Variants in CD1C observed in about 807,000 individuals in gnomAD.
CD1C encodes the protein T-cell surface glycoprotein CD1c.
Under a neutral mutation model 39.4 loss-of-function variants are expected in CD1C, and 47 were observed. That is an observed-to-expected ratio of 1.19 (90% CI 0.94 to 1.52). CD1C has a LOEUF of 1.52. Ranked by LOEUF, CD1C falls within the 40% of genes most tolerant of loss-of-function variation. CD1C has a pLI of 0.00. For synonymous variants in CD1C, 165 were observed against 150.8 expected (o/e 1.09, Z -0.69); for missense variants, 417 against 395.2 (o/e 1.06, Z -0.47).
Position 158,292,065 on chromosome 1 carries a change from C to A in CD1C, c.329-19C>A. 1 of 1,592,784 alleles carries A rather than the reference C, an allele frequency of 6.3e-7. No homozygotes were observed. The highest frequency in any genetic ancestry group is 1.1e-5 in the South Asian group (1 of 87,178). On this transcript the variant is annotated intron_variant, in intron 2 of 5. Transcript: ENST00000368170. ...ACTTTTTTGTTTGAACTCTTTTTCTCATTCCTCCCTTCCTCCAGATCCCTT... is the reference window on the plus strand; with the variant it reads ...ACTTTTTTGTTTGAACTCTTTTTCTAATTCCTCCCTTCCTCCAGATCCCTT...
chr1:158,292,550 T>C, intron 3 of CD1C, 46 bp from the exon 4 acceptor site: 1 of 1,591,396 alleles, frequency 6.3e-7, no homozygotes, highest in Non-Finnish European at 8.6e-7. Context: ...TGGATGTAAG[T>C]TGTGTGTAAG....
intron 4 of CD1C, 33 bp downstream of exon 4, chr1:158,292,907 G>C (rs1444387906): frequency 6.2e-7 from 1 of 1,607,816 alleles, no homozygotes; most frequent in South Asian, 1.1e-5. Flanking sequence ...TAGGTAGGTG[G>C]TTCTTGAGCC....
rs768042167 is a variant in CD1C at position 158,292,602 on chromosome 1, C to T, written c.617C>T (p.Pro206Leu). 1.3e-5 allele frequency: 21 copies of T among 1,612,480 alleles called. No individual in the cohort carries two copies. Among genetic ancestry groups the T allele is most frequent in the Non-Finnish European group, 1.7e-5 (20 of 1,179,910 alleles). The part of the protein sequence containing the change: ...GKMYVHRQVR[P>L]EAWLSSRPSL... ...CTTTTTCTGCTCTCTGCAGTGAGGC[C>T]AGAAGCCTGGCTGTCCAGTCGCCCC... Residue 206 changes from proline to leucine, a missense_variant, in exon 4 of 6, where the codon CCA becomes CTA. Transcript: ENST00000368170.
rs772721870 is a variant in CD1C at position 158,293,457 on chromosome 1, C to G, written c.983C>G (p.Ser328Ter). 1 of 1,613,894 alleles carries G rather than the reference C, an allele frequency of 6.2e-7. No individual in the cohort carries two copies. The highest frequency in any genetic ancestry group is 8.5e-7 in the Non-Finnish European group (1 of 1,179,986). ...CTCCCATTCCTGTTCCTTCACAGCT[C>G]ATATCAGGACATCCTGTGAGACTCT... ...VLVLWFKKHCSYQDIL is the reference protein window; with the variant it reads ...VLVLWFKKHC Residue 328 changes from serine to a stop codon, truncating the protein, a stop_gained and splice_region_variant, in exon 6 of 6, where the codon TCA becomes TGA. Transcript: ENST00000368170. LOFTEE classifies it high-confidence loss of function.
Position 158,293,291 on chromosome 1 carries a change from TAAG to T in CD1C, c.973_975del (p.Lys325del), listed in dbSNP as rs1380453592. On this transcript the variant is annotated inframe_deletion, in exon 5 of 6. Transcript: ENST00000368170. Reference sequence around the variant, plus strand: ...TTCTAATAGTCCTTGTGTTATGGTTTAAGAAGCACTGGTGAGTTTTTTGTATTT... The same window carrying T: ...TTCTAATAGTCCTTGTGTTATGGTTTAAGCACTGGTGAGTTTTTTGTATTT... The T allele has an allele frequency of 6.2e-7, 1 of 1,613,626 alleles. No homozygotes were observed. The highest frequency in any genetic ancestry group is 1.7e-5 in the Admixed American group (1 of 59,962).
At position 158,291,295 on chromosome 1, in the gene CD1C, A is replaced by C. The variant is rs1323932631; in HGVS notation, c.223A>C (p.Asn75His). ...IIFLHNWSKG[N>H]FSNEELSDLE... is the part of the protein sequence containing the mutation. ...TTTCCTGCATAACTGGTCCAAGGGCAACTTCAGCAATGAAGAGTTGTCAGA... is the reference window on the plus strand; with the variant it reads ...TTTCCTGCATAACTGGTCCAAGGGCCACTTCAGCAATGAAGAGTTGTCAGA... Residue 75 changes from asparagine to histidine, a missense_variant, in exon 2 of 6, where the codon AAC becomes CAC. By Grantham distance (68) the Asn-to-His change is moderately conservative. Transcript: ENST00000368170. 6.2e-7 allele frequency: 1 copy of C among 1,614,024 alleles called. No individual in the cohort carries two copies. Among genetic ancestry groups the C allele is most frequent in the African/African-American group, 1.3e-5 (1 of 74,908 alleles).
Position 158,292,577 on chromosome 1 carries a change from C to G in CD1C, c.611-19C>G, listed in dbSNP as rs185843886. 5.0e-6 allele frequency: 8 copies of G among 1,607,578 alleles called. No individual in the cohort carries two copies. Among genetic ancestry groups the G allele is most frequent in the Admixed American group, 1.7e-5 (1 of 59,418 alleles). ...GTGTGTAAGTTTCTTCATCAGAACA[C>G]TTTTTCTGCTCTCTGCAGTGAGGCC... On this transcript the variant is annotated intron_variant, in intron 3 of 5. Transcript: ENST00000368170.
intron 1 of CD1C, 109 bp downstream of exon 1, chr1:158,290,234 C>A: frequency 1.0e-6 from 1 of 963,438 alleles, no homozygotes; most frequent in African/African-American, 1.6e-5. Flanking sequence ...TCTGAGCATA[C>A]CTGTCTCCAG....
rs1651151953 is a variant in CD1C, at chr1:158,294,082, C to A, written c.*606C>A. On this transcript the variant is annotated 3_prime_UTR_variant, in exon 6 of 6. Transcript: ENST00000368170. ...ATTTAAGGAAAAGTGCAGCCTTGTG[C>A]CTTGATACACTTATTTTCTAAACAC... Among the ~76,000 whole-genome samples the A allele has an allele frequency of 6.6e-6, 1 of 152,272 alleles. No homozygotes were observed. The highest frequency in any genetic ancestry group is 3.4e-3 in the Middle Eastern group (1 of 294).
At chr1:158,290,857 G>A (rs1018169882) in intron 1 of CD1C, among the ~76,000 whole-genome samples, 1 of 152,152 alleles carries the variant, frequency 6.6e-6, no homozygotes, top group Non-Finnish European at 1.5e-5. Context: ...TCAGCTGCAA[G>A]GTTACATGTA....
In CD1C at chr1:158,293,569, TA is replaced by T; in HGVS notation, c.*96del. 1.2e-6 allele frequency: 2 copies of T among 1,613,892 alleles called. No homozygotes were observed. Among genetic ancestry groups the T allele is most frequent in the Non-Finnish European group, 1.7e-6 (2 of 1,179,838 alleles). On this transcript the variant is annotated 3_prime_UTR_variant, in exon 6 of 6. Coordinates refer to ENST00000368170, the MANE Select transcript of CD1C (RefSeq NM_001765.3). ...GATGCCATCCCGTCGACTCTCCATT[TA>T]AATTGTTTCTCTTTCTGCATAATAA...
Position 158,291,293 on chromosome 1 carries a change from G to T in CD1C, c.221G>T (p.Gly74Val). Reference protein sequence around the residue: ...TIIFLHNWSKGNFSNEELSDL... With the variant: ...TIIFLHNWSKVNFSNEELSDL... ...ATTTTCCTGCATAACTGGTCCAAGGGCAACTTCAGCAATGAAGAGTTGTCA... is the reference window on the plus strand; with the variant it reads ...ATTTTCCTGCATAACTGGTCCAAGGTCAACTTCAGCAATGAAGAGTTGTCA... The change falls in exon 2 of 6, where the codon GGC becomes GTC. Residue 74 changes from glycine (G) to valine (V), a missense_variant. Gly to Val is a moderately radical substitution (Grantham distance 109). Coordinates refer to ENST00000368170, the MANE Select transcript of CD1C (RefSeq NM_001765.3). 6.2e-7 allele frequency: 1 copy of T among 1,614,096 alleles called. No individual in the cohort carries two copies. Among genetic ancestry groups the T allele is most frequent in the Non-Finnish European group, 8.5e-7 (1 of 1,180,024 alleles).
In CD1C at chr1:158,291,146, A is replaced by G. The variant is rs769347794; in HGVS notation, c.74A>G (p.His25Arg). Residue 25 changes from histidine (H) to arginine (R), a missense_variant, in exon 2 of 6, where the codon CAC (histidine) becomes CGC (arginine). By Grantham distance (29) the His-to-Arg change is conservative. Transcript: ENST00000368170. ...GGDNADASQE[H>R]VSFHVIQIFS... Reference sequence around the variant, plus strand: ...CTTCCACCAAAAGCATCCCAGGAACACGTCTCCTTCCATGTCATCCAGATC... The same window carrying G: ...CTTCCACCAAAAGCATCCCAGGAACGCGTCTCCTTCCATGTCATCCAGATC... 24 of 1,610,316 alleles carry G rather than the reference A, an allele frequency of 1.5e-5. No homozygotes were observed. Among genetic ancestry groups the G allele is most frequent in the Non-Finnish European group, 1.9e-5 (22 of 1,178,920 alleles).
At chr1:158,290,687 G>C (rs1351937112) in intron 1 of CD1C, among the ~76,000 whole-genome samples, 1 of 152,164 alleles carries the variant, frequency 6.6e-6, no homozygotes, top group Admixed American at 6.5e-5. Context: ...AAGGAAGTCA[G>C]AATATAGATG....
rs1348656529 is a variant in CD1C at position 158,291,253 on chromosome 1, G to T, written c.181G>T (p.Glu61Ter). ...GTTGCAGACTCATGGCTGGGACAGT[G>T]AATCAGGCACAATAATTTTCCTGCA... ...DELQTHGWDS[E>*]SGTIIFLHNW... The change falls in exon 2 of 6, where the codon GAA becomes TAA. Residue 61 changes from glutamate (E) to a stop codon, truncating the protein, a stop_gained. Coordinates refer to ENST00000368170, the MANE Select transcript of CD1C (RefSeq NM_001765.3). LOFTEE classifies it high-confidence loss of function. The T allele has an allele frequency of 6.2e-7, 1 of 1,613,976 alleles. No homozygotes were observed. The highest frequency in any genetic ancestry group is 1.3e-5 in the African/African-American group (1 of 74,878).
chr1:158,290,017 G>A lies in CD1C; in HGVS notation c.-48G>A. ...CAGAGGGATAAGTTTGCTAAGAACAGAGATCAGCAAACAGCTTTTCTGAGA... is the reference window on the plus strand; with the variant it reads ...CAGAGGGATAAGTTTGCTAAGAACAAAGATCAGCAAACAGCTTTTCTGAGA... On this transcript the variant is annotated 5_prime_UTR_variant, in exon 1 of 6. Transcript: ENST00000368170. 2 of 1,566,116 alleles carry A rather than the reference G, an allele frequency of 1.3e-6. No individual in the cohort carries two copies. The highest frequency in any genetic ancestry group is 1.8e-6 in the Non-Finnish European group (2 of 1,136,510).
In CD1C at chr1:158,292,875, GT is replaced by G; in HGVS notation, c.889+2del. On this transcript the variant is annotated splice_donor_variant, in intron 4 of 5. Coordinates refer to ENST00000368170, the MANE Select transcript of CD1C (RefSeq NM_001765.3). LOFTEE classifies it high-confidence loss of function. ...GGCCAGGACATCATCCTCTACTGGG[GT>G]AAGACTGGAGGTTGGAAGTGTAGGT... The G allele has an allele frequency of 6.2e-7, 1 of 1,613,694 alleles. No individual in the cohort carries two copies. Among genetic ancestry groups the G allele is most frequent in the South Asian group, 1.1e-5 (1 of 91,060 alleles).
intron 1 of CD1C, 33 bp downstream of exon 1, chr1:158,290,158 T>A: frequency 6.3e-7 from 1 of 1,597,304 alleles, no homozygotes; most frequent in Non-Finnish European, 8.6e-7. Context: ...CAAGGTTACA[T>A]GTATCTGGGT....
chr1:158,292,308 T>C lies in CD1C; in HGVS notation c.553T>C (p.Cys185Arg), dbSNP rs1651071690. Residue 185 changes from cysteine to arginine, a missense_variant, in exon 3 of 6, where the codon TGC becomes CGC. Physicochemically the swap from Cys to Arg is radical, Grantham distance 180. Coordinates refer to ENST00000368170, the MANE Select transcript of CD1C (RefSeq NM_001765.3). The part of the protein sequence containing the change: ...ETVYNLIRST[C>R]PRFLLGLLDA... ...AGTGTATAATCTCATAAGAAGCACT[T>C]GCCCCCGATTTCTCTTGGGTCTCCT... The C allele has an allele frequency of 6.2e-7, 1 of 1,614,070 alleles. No individual in the cohort carries two copies. The highest frequency in any genetic ancestry group is 8.5e-7 in the Non-Finnish European group (1 of 1,180,024).
Sources: allele counts gnomAD v4.1 joint callset (sites outside exome capture counted in the v4.1 genomes callset), GRCh38; gene constraint gnomAD v4.1.1; transcripts MANE v1.5; gene names NCBI Gene and HGNC (gene_info 2026-07-23, HGNC 2026-07-21).